Variants in RPS6KC1 observed in about 807,000 individuals in gnomAD.
RPS6KC1 encodes the protein ribosomal protein S6 kinase C1, also known as inactive ribosomal protein S6 kinase delta-1.
RPS6KC1 carries 54 observed loss-of-function variants against 103.8 expected under a neutral mutation model. The observed-to-expected ratio is 0.52, with a 90% confidence interval of 0.42 to 0.65. RPS6KC1 has a LOEUF of 0.65. RPS6KC1 is among the 30% of genes least tolerant of loss of function. The pLI is 0.00. For missense variants in RPS6KC1, 1,151 were observed against 1,253.8 expected (o/e 0.92, Z 1.24); for synonymous variants, 439 against 438.7 (o/e 1.00, Z -0.01).
the RPS6KC1 span, among the ~76,000 whole-genome samples, chr1:213,861,414 G>A: frequency 8.5e-3 from 1,300 of 152,246 alleles, 12 homozygotes; most frequent in South Asian, 0.056. Context: ...GCCAGGCTCT[G>A]TCCCCTCTCT....
chr1:213,739,819 G>A, the RPS6KC1 span, among the ~76,000 whole-genome samples: 1 of 152,148 alleles, frequency 6.6e-6, no homozygotes, highest in Non-Finnish European at 1.5e-5. Flanking sequence ...TTTAAGGTAC[G>A]CAAAGATTCA....
intron 6 of RPS6KC1, among the ~76,000 whole-genome samples, chr1:213,158,446 G>A (rs1190295693): frequency 3.9e-5 from 6 of 152,206 alleles, no homozygotes; most frequent in Non-Finnish European, 8.8e-5. Context: ...TGGCAGCTGG[G>A]AAACTCTCAT....
At chr1:213,791,294 G>A in the RPS6KC1 span, among the ~76,000 whole-genome samples, 918 of 152,242 alleles carry the variant, frequency 6.0e-3, 4 homozygotes, top group Non-Finnish European at 8.7e-3. Flanking sequence ...GGAAGTTAGG[G>A]TAGTCAGCCT....
the RPS6KC1 span, among the ~76,000 whole-genome samples, chr1:213,678,794 G>T: frequency 6.6e-6 from 1 of 152,150 alleles, no homozygotes; most frequent in Non-Finnish European, 1.5e-5. Flanking sequence ...ATCTTTACTT[G>T]GGAGTCACGC....
the RPS6KC1 span, among the ~76,000 whole-genome samples, chr1:213,696,933 A>G: frequency 6.6e-6 from 1 of 151,532 alleles, no homozygotes; most frequent in Admixed American, 6.6e-5. Flanking sequence ...GTCCCACAAG[A>G]CTGCCCCCAC....
At chr1:213,662,350 C>T in the RPS6KC1 span, among the ~76,000 whole-genome samples, 2 of 152,032 alleles carry the variant, frequency 1.3e-5, no homozygotes, top group African/African-American at 4.8e-5. Context: ...CAACCTCTGC[C>T]TCCCAGGTTC....
At chr1:213,062,682 G>T (rs1353890247) in intron 1 of RPS6KC1, among the ~76,000 whole-genome samples, 3 of 151,710 alleles carry the variant, frequency 2.0e-5, no homozygotes, top group African/African-American at 7.3e-5. Flanking sequence ...TCAGTCTCTC[G>T]AGCAGCTGGG....
At chr1:213,858,590 G>A in the RPS6KC1 span, among the ~76,000 whole-genome samples, 1 of 152,138 alleles carries the variant, frequency 6.6e-6, no homozygotes, top group East Asian at 1.9e-4. Flanking sequence ...ATCCCAGTTG[G>A]AAATGACTAA....
At chr1:213,106,707 A>G (rs1320113053) in intron 4 of RPS6KC1, among the ~76,000 whole-genome samples, 2 of 152,218 alleles carry the variant, frequency 1.3e-5, no homozygotes, top group African/African-American at 2.4e-5. Flanking sequence ...AAAAAACCAC[A>G]TACATAAGAG....
chr1:213,064,250 T>C (rs1025733629), intron 1 of RPS6KC1, among the ~76,000 whole-genome samples: 5 of 152,084 alleles, frequency 3.3e-5, no homozygotes, highest in Admixed American at 3.3e-4. Flanking sequence ...AGAGGCGGGG[T>C]TTCACCATGT....
At chr1:213,845,471 G>A in the RPS6KC1 span, among the ~76,000 whole-genome samples, 1 of 152,158 alleles carries the variant, frequency 6.6e-6, no homozygotes, top group African/African-American at 2.4e-5. Flanking sequence ...AGAACAAAGA[G>A]CACATTTATT....
At chr1:213,446,753 T>C in the RPS6KC1 span, among the ~76,000 whole-genome samples, 3 of 152,236 alleles carry the variant, frequency 2.0e-5, no homozygotes, top group Admixed American at 6.5e-5. Flanking sequence ...TGGTAAGCAC[T>C]GATTCGTTAT....
At chr1:213,516,443 T>C in the RPS6KC1 span, among the ~76,000 whole-genome samples, 3 of 152,110 alleles carry the variant, frequency 2.0e-5, no homozygotes, top group Non-Finnish European at 4.4e-5. Context: ...GCATGAAGGG[T>C]TGTTGAATTT....
chr1:213,364,593 C>T, the RPS6KC1 span, among the ~76,000 whole-genome samples: 1 of 152,070 alleles, frequency 6.6e-6, no homozygotes, highest in Admixed American at 6.6e-5. Flanking sequence ...AACCACAGAT[C>T]TGGTCAAAGA....
the RPS6KC1 span, among the ~76,000 whole-genome samples, chr1:213,813,179 A>T: frequency 6.6e-6 from 1 of 152,016 alleles, no homozygotes; most frequent in Non-Finnish European, 1.5e-5. Flanking sequence ...TGAACCCGGG[A>T]GGCAGAAGTT....
the RPS6KC1 span, among the ~76,000 whole-genome samples, chr1:213,719,387 C>T: frequency 3.3e-5 from 5 of 152,122 alleles, no homozygotes; most frequent in African/African-American, 7.2e-5. Flanking sequence ...GGCCGATGCC[C>T]GCCATTTAGA....
chr1:213,547,527 A>G, the RPS6KC1 span, among the ~76,000 whole-genome samples: 5 of 152,210 alleles, frequency 3.3e-5, no homozygotes, highest in African/African-American at 1.2e-4. Context: ...TATGCACCTG[A>G]TGTAGTTTGG....
At chr1:213,559,769 T>G in the RPS6KC1 span, among the ~76,000 whole-genome samples, 1 of 152,204 alleles carries the variant, frequency 6.6e-6, no homozygotes, top group Non-Finnish European at 1.5e-5. Flanking sequence ...AGTAACCACA[T>G]TAAAAAGTAA....
the RPS6KC1 span, among the ~76,000 whole-genome samples, chr1:213,777,188 T>A: frequency 6.6e-6 from 1 of 152,198 alleles, no homozygotes; most frequent in Non-Finnish European, 1.5e-5. Context: ...TTCTTCACAT[T>A]CGCAAATTGG....
Sources: allele counts gnomAD v4.1 joint callset (sites outside exome capture counted in the v4.1 genomes callset), GRCh38; gene constraint gnomAD v4.1.1; transcripts MANE v1.5; gene names NCBI Gene and HGNC (gene_info 2026-07-23, HGNC 2026-07-21).